The following IGF2BP2 variants were observed in gnomAD, a reference collection of about 807,000 sequenced individuals.
The protein encoded by IGF2BP2 is insulin like growth factor 2 mRNA binding protein 2.
A neutral mutation model predicts 75.8 loss-of-function variants in IGF2BP2; 17 were observed. The observed-to-expected ratio is 0.22, with a 90% CI of 0.15 to 0.34. The LOEUF (loss-of-function observed/expected upper bound fraction) is 0.34, where lower values mean the gene tolerates loss of function less well. Among genes scored for constraint, IGF2BP2 ranks in the 10% least tolerant of loss-of-function variants. IGF2BP2 has a pLI of 1.00. For missense variants in IGF2BP2, 516 were observed against 772.4 expected (o/e 0.67, Z 3.93); for synonymous variants, 288 against 295.6 (o/e 0.97, Z 0.26).
At chr3:185,658,816 G>A (rs1270028088) in intron 10 of IGF2BP2, among the ~76,000 whole-genome samples, 2 of 152,302 alleles carry the variant, frequency 1.3e-5, no homozygotes, top group East Asian at 3.9e-4. Flanking sequence ...ATGAGTCGTA[G>A]ATGAAAAAGA....
chr3:185,694,060 TG>T (rs1722272947), intron 4 of IGF2BP2, among the ~76,000 whole-genome samples: 1 of 152,232 alleles, frequency 6.6e-6, no homozygotes, highest in Admixed American at 6.5e-5. Context: ...GCAGCCTTTA[TG>T]GGTTGCAGGG....
intron 2 of IGF2BP2, chr3:185,722,153 C>T (rs1341117429): frequency 7.0e-6 from 3 of 428,232 alleles, no homozygotes; most frequent in Non-Finnish European, 1.4e-5. Flanking sequence ...AGGCTGGTCT[C>T]AAATTCCTGG....
At chr3:185,815,094 C>T (rs1242008581) in intron 2 of IGF2BP2, among the ~76,000 whole-genome samples, 2 of 152,116 alleles carry the variant, frequency 1.3e-5, no homozygotes, top group East Asian at 3.9e-4. Flanking sequence ...AGGCCCTCCT[C>T]CCACACTGCA....
At chr3:185,795,078 T>C (rs1156292870) in intron 2 of IGF2BP2, among the ~76,000 whole-genome samples, 1 of 152,078 alleles carries the variant, frequency 6.6e-6, no homozygotes, top group Non-Finnish European at 1.5e-5. Flanking sequence ...TTTGTATTTT[T>C]AGTAGAGACG....
Position 185,823,149 on chromosome 3 carries a change from T to C in IGF2BP2, c.239+4A>G, listed in dbSNP as rs1197980167. On this transcript the variant is annotated splice_donor_region_variant and intron_variant, in intron 2 of 15. Transcript: ENST00000382199. ...AAAAAAAAAACTAAGCAAAGTATATTTACCTTAGCTTTTTAGAGACTGAGT... is the reference window on the plus strand; with the variant it reads ...AAAAAAAAAACTAAGCAAAGTATATCTACCTTAGCTTTTTAGAGACTGAGT... 1 of 1,598,434 alleles carries C rather than the reference T, an allele frequency of 6.3e-7. No individual in the cohort carries two copies. Among genetic ancestry groups the C allele is most frequent in the Non-Finnish European group, 8.5e-7 (1 of 1,171,658 alleles).
At chr3:185,680,838 G>C (rs1449869122) in intron 7 of IGF2BP2, among the ~76,000 whole-genome samples, 1 of 151,016 alleles carries the variant, frequency 6.6e-6, no homozygotes, top group African/African-American at 2.4e-5. Flanking sequence ...AAGAAGGGGG[G>C]GGAACTACAT....
At chr3:185,675,550 C>T (rs1346031866) in intron 8 of IGF2BP2, 119 bp from the exon 9 acceptor site, 2 of 1,227,384 alleles carry the variant, frequency 1.6e-6, no homozygotes, top group Non-Finnish European at 2.3e-6. Flanking sequence ...TCCCTCCCAA[C>T]ACACTGTGGT....
At chr3:185,681,913 TC>T (rs1720449053) in intron 7 of IGF2BP2, among the ~76,000 whole-genome samples, 1 of 152,112 alleles carries the variant, frequency 6.6e-6, no homozygotes, top group Non-Finnish European at 1.5e-5. Context: ...AAAGATTAAC[TC>T]AAAATAGGTT....
chr3:185,711,538 T>C (rs1338453557), intron 2 of IGF2BP2, among the ~76,000 whole-genome samples: 1 of 152,216 alleles, frequency 6.6e-6, no homozygotes, highest in East Asian at 1.9e-4. Flanking sequence ...TTTTCATCGC[T>C]TCCTCTCAAG....
chr3:185,745,144 G>A (rs543894319), intron 2 of IGF2BP2, among the ~76,000 whole-genome samples: 1 of 152,248 alleles, frequency 6.6e-6, no homozygotes, highest in South Asian at 2.1e-4. Context: ...CTGATCACAC[G>A]GGTTTAACTT....
chr3:185,689,266 TA>T, intron 6 of IGF2BP2, 88 bp downstream of exon 6: 1 of 1,374,300 alleles, frequency 7.3e-7, no homozygotes, highest in Non-Finnish European at 1.0e-6. Context: ...ACTGCTGATG[TA>T]AGCAATTGTG....
At chr3:185,712,432 T>A (rs956541858) in intron 2 of IGF2BP2, 2 of 152,262 alleles carry the variant, frequency 1.3e-5, no homozygotes, top group East Asian at 3.9e-4. Context: ...CCACTCCTAA[T>A]AAAACATTTT....
intron 12 of IGF2BP2, 28 bp from the exon 13 acceptor site, chr3:185,652,196 G>C (rs1191771696): frequency 6.3e-7 from 1 of 1,582,656 alleles, no homozygotes. Flanking sequence ...GGAAAACGCT[G>C]ATGCTCGGCT....
intron 2 of IGF2BP2, among the ~76,000 whole-genome samples, chr3:185,726,011 C>T (rs569397659): frequency 1.3e-5 from 2 of 152,270 alleles, no homozygotes; most frequent in Admixed American, 1.3e-4. Context: ...AAGCTGAACA[C>T]TGGTGTTGGT....
At chr3:185,681,996 C>T (rs915001124) in intron 7 of IGF2BP2, among the ~76,000 whole-genome samples, 2 of 152,188 alleles carry the variant, frequency 1.3e-5, no homozygotes, top group African/African-American at 4.8e-5. Flanking sequence ...TTGGACATGG[C>T]AAAGACTTCT....
At chr3:185,792,952 G>C (rs564754636) in intron 2 of IGF2BP2, among the ~76,000 whole-genome samples, 2 of 152,070 alleles carry the variant, frequency 1.3e-5, no homozygotes, top group African/African-American at 4.8e-5. Flanking sequence ...ATCTCAGCCA[G>C]AATATTCTAC....
intron 2 of IGF2BP2, chr3:185,729,765 A>G (rs1392465005): frequency 6.6e-6 from 1 of 152,360 alleles, no homozygotes; most frequent in East Asian, 1.9e-4. Context: ...TGAAAAGGCT[A>G]TTAAAATACT....
At chr3:185,728,936 C>T (rs1235026348) in intron 2 of IGF2BP2, 1 of 152,216 alleles carries the variant, frequency 6.6e-6, no homozygotes, top group Non-Finnish European at 1.5e-5. Flanking sequence ...AGTATTTTCA[C>T]TCATGGTGCA....
chr3:185,742,815 T>C (rs899523754), intron 2 of IGF2BP2, among the ~76,000 whole-genome samples: 11 of 152,048 alleles, frequency 7.2e-5, no homozygotes, highest in East Asian at 1.9e-4. Flanking sequence ...TTAAACTGCA[T>C]TGCGGCCAGG....
Sources: gnomAD v4.1 joint callset for allele counts (sites outside exome capture counted in the v4.1 genomes callset) on GRCh38, gnomAD v4.1.1 for gene constraint, MANE v1.5 for transcripts, NCBI Gene and HGNC (gene_info 2026-07-23, HGNC 2026-07-21) for gene names.